Variants in NLRP10 observed in about 807,000 individuals in gnomAD.
The protein encoded by NLRP10 is NACHT, LRR and PYD domains-containing protein 10.
Under a neutral mutation model 8.2 loss-of-function variants are expected in NLRP10, and 7 were observed. That is an observed-to-expected ratio of 0.85 (90% confidence interval 0.48 to 1.60). The LOEUF (loss-of-function observed/expected upper bound fraction) is 1.60. Ranked by LOEUF, NLRP10 falls within the 40% of genes most tolerant of loss-of-function variation. NLRP10 has a pLI of 0.00. For missense variants in NLRP10, 814 were observed against 776.3 expected (o/e 1.05, Z -0.58); for synonymous variants, 338 against 314.0 (o/e 1.08, Z -0.81).
Position 7,960,914 on chromosome 11 carries a change from G to A in NLRP10, c.698C>T (p.Pro233Leu). 4 of 1,614,182 alleles carry A rather than the reference G, an allele frequency of 2.5e-6. No individual in the cohort carries two copies. Among genetic ancestry groups the A allele is most frequent in the Non-Finnish European group, 2.5e-6 (3 of 1,180,036 alleles). Reference sequence around the variant, plus strand: ...TGGCTGCCTCAGAATCTCTGTGACAGGGGCTTGATTGTCCCCGCAGCACCA... The same window carrying A: ...TGGCTGCCTCAGAATCTCTGTGACAAGGGCTTGATTGTCCCCGCAGCACCA... Reference protein sequence around the residue: ...LFWCCGDNQAPVTEILRQPER... With the variant: ...LFWCCGDNQALVTEILRQPER... The change falls in exon 3 of 3, where the codon CCT (proline) becomes CTT (leucine). Residue 233 changes from proline to leucine, a missense_variant. Transcript: ENST00000691676.
chr11:7,963,078 G>A, intron 2 of NLRP10, 129 bp downstream of exon 2: 1 of 869,448 alleles, frequency 1.2e-6, no homozygotes, highest in Non-Finnish European at 1.8e-6. Context: ...AGGACTCTGG[G>A]GCACCAGGGA....
chr11:7,963,591 T>C, intron 1 of NLRP10, 51 bp from the exon 2 acceptor site: 1 of 1,171,200 alleles, frequency 8.5e-7, no homozygotes, highest in South Asian at 1.5e-5. Context: ...CCCACCCTGC[T>C]TTCTGGGGGC....
Position 7,958,352 on chromosome 11 carries a change from G to T in NLRP10, c.*1292C>A, listed in dbSNP as rs757845424. On this transcript the variant is annotated 3_prime_UTR_variant, in exon 3 of 3. Transcript: ENST00000691676. The stretch of plus-strand genomic sequence containing the variant: ...TGCATTCTGACCAGCAATGAATAAG[G>T]CTCCCACTACTCCACATCCTAACAA... 2.6e-5 allele frequency among the ~76,000 whole-genome samples: 4 copies of T among 152,118 alleles called. No homozygotes were observed. The highest frequency in any genetic ancestry group is 4.4e-5 in the Non-Finnish European group (3 of 68,026).
intron 1 of NLRP10, among the ~76,000 whole-genome samples, chr11:7,964,894 G>A (rs972086137): frequency 2.6e-5 from 4 of 152,210 alleles, no homozygotes; most frequent in South Asian, 2.1e-4. Context: ...GGCCCATAGG[G>A]AACCCATCTC....
At chr11:7,961,480 G>A (rs1941729583) in intron 2 of NLRP10, among the ~76,000 whole-genome samples, 158 bp from the exon 3 acceptor site, 1 of 152,200 alleles carries the variant, frequency 6.6e-6, no homozygotes, top group Admixed American at 6.5e-5. Flanking sequence ...GCCACTGTAT[G>A]TGTGCATGAG....
Position 7,963,452 on chromosome 11 carries a change from C to A in NLRP10, c.44G>T (p.Trp15Leu). 1 of 1,613,970 alleles carries A rather than the reference C, an allele frequency of 6.2e-7. No individual in the cohort carries two copies. The highest frequency in any genetic ancestry group is 8.5e-7 in the Non-Finnish European group (1 of 1,179,984). ...GTTCTCCTCAAGGTCACTCAAGGCC[C>A]AGAGCAATGCCTCCCGGGGCTTTCT... Reference protein sequence around the residue: ...KARKPREALLWALSDLEENDF... With the variant: ...KARKPREALLLALSDLEENDF... Residue 15 changes from tryptophan to leucine, a missense_variant, in exon 2 of 3, where the codon TGG becomes TTG. Trp to Leu is a moderately conservative substitution (Grantham distance 61). Transcript: ENST00000691676.
Position 7,961,202 on chromosome 11 carries a change from G to T in NLRP10, c.410C>A (p.Ser137Ter). ...CTGCTCCGGGAAGGGGCAGGCAAGTGATTCTGGGCTCTCTGAGCTGGGCTT... is the reference window on the plus strand; with the variant it reads ...CTGCTCCGGGAAGGGGCAGGCAAGTTATTCTGGGCTCTCTGAGCTGGGCTT... ...VAKPSSESPE[S>*]LACPFPEQEL... Residue 137 changes from serine to a stop codon, truncating the protein, a stop_gained, in exon 3 of 3, where the codon TCA becomes TAA. Transcript: ENST00000691676. LOFTEE classifies it low-confidence loss of function (END_TRUNC). The T allele has an allele frequency of 6.2e-7, 1 of 1,613,878 alleles. No homozygotes were observed. The highest frequency in any genetic ancestry group is 1.7e-5 in the Admixed American group (1 of 60,002).
At chr11:7,962,231 C>CTTTTTTTTTTT (rs71452435) in intron 2 of NLRP10, among the ~76,000 whole-genome samples, 4,731 of 66,912 alleles carry the variant, frequency 0.071, 1,467 homozygotes, top group Middle Eastern at 0.19. Context: ...TAAGCCTGTT[C>CTTTTTTTTTTT]TTTTTTTTTT....
intron 1 of NLRP10, chr11:7,963,786 C>CTCTT (rs386373036): frequency 2.2e-6 from 1 of 465,040 alleles, no homozygotes; most frequent in African/African-American, 2.0e-5. Context: ...CTCTCAATCT[C>CTCTT]TCTCTCTCTC....
chr11:7,963,509 A>C lies in NLRP10; in HGVS notation c.-14T>G, dbSNP rs765425148. Reference sequence around the variant, plus strand: ...GGCCATGGCCATGGTGATCTGGGGGAAGGATCAAGTCCAGACCAGAAGACC... The same window carrying C: ...GGCCATGGCCATGGTGATCTGGGGGCAGGATCAAGTCCAGACCAGAAGACC... On this transcript the variant is annotated 5_prime_UTR_variant, in exon 2 of 3. Transcript: ENST00000691676. 3 of 1,603,712 alleles carry C rather than the reference A, an allele frequency of 1.9e-6. No homozygotes were observed. The South Asian group carries it at 3.3e-5, about 18-fold the overall frequency.
chr11:7,962,669 C>A (rs1355268479), intron 2 of NLRP10, among the ~76,000 whole-genome samples: 2 of 152,108 alleles, frequency 1.3e-5, no homozygotes, highest in Non-Finnish European at 2.9e-5. Context: ...TGAAAGGAGC[C>A]TATGGGAGGG....
rs138343526 is a variant in NLRP10 at position 7,963,328 on chromosome 11, G to A, written c.168C>T (p.Asp56=). 1.5e-4 allele frequency: 244 copies of A among 1,614,168 alleles called. No individual in the cohort carries two copies. The highest frequency in any genetic ancestry group is 6.4e-4 in the African/African-American group (48 of 75,038). The change falls in exon 2 of 3, where the codon GAC becomes GAT. Residue 56 remains aspartate, a synonymous_variant. Transcript: ENST00000691676. ...ACTTTGAAATCAGTAATTCTGCCAGGTCCACCGGAATCAGGCCCTCCAACT... is the reference window on the plus strand; with the variant it reads ...ACTTTGAAATCAGTAATTCTGCCAGATCCACCGGAATCAGGCCCTCCAACT... The part of the protein sequence containing the change: ...RGELEGLIPV[D]LAELLISKYG...
chr11:7,963,571 T>C, intron 1 of NLRP10, 31 bp from the exon 2 acceptor site: 6 of 1,372,632 alleles, frequency 4.4e-6, no homozygotes, highest in South Asian at 1.4e-5. Flanking sequence ...AGAGGTCCAC[T>C]GCTGAGAGGC....
chr11:7,960,654 TCTC>T lies in NLRP10; in HGVS notation c.955_957del (p.Glu319del), dbSNP rs775823381. The T allele has an allele frequency of 1.2e-6, 2 of 1,614,128 alleles. No individual in the cohort carries two copies. The highest frequency in any genetic ancestry group is 2.2e-5 in the South Asian group (2 of 91,072). On this transcript the variant is annotated inframe_deletion, in exon 3 of 3. Coordinates refer to ENST00000691676, the MANE Select transcript of NLRP10 (RefSeq NM_001391958.1). ...AAATAGGAGCTGAAGTACCTCGCCC[TCTC>T]CTCCTCAGAGAAGCCTAGGATATGG...
rs1941654476 is a variant in NLRP10 at position 7,958,302 on chromosome 11, G to A, written c.*1342C>T. Among the ~76,000 whole-genome samples the A allele has an allele frequency of 6.6e-6, 1 of 152,148 alleles. No homozygotes were observed. The stretch of plus-strand genomic sequence containing the variant: ...TAGCTTTGTAAGAAACTGCCAAACT[G>A]TCTTTCAAAGTGGCTGTACCATTTT... On this transcript the variant is annotated 3_prime_UTR_variant, in exon 3 of 3. Transcript: ENST00000691676.
intron 2 of NLRP10, among the ~76,000 whole-genome samples, chr11:7,962,527 C>T (rs1256040016): frequency 4.6e-5 from 7 of 151,974 alleles, no homozygotes; most frequent in African/African-American, 1.2e-4. Flanking sequence ...TGAGCCACTG[C>T]GCCCAGCCGA....
At chr11:7,962,231 C>CTTTTTTTTTTCTTTTTTTTT (rs1941744131) in intron 2 of NLRP10, among the ~76,000 whole-genome samples, 2 of 66,994 alleles carry the variant, frequency 3.0e-5, no homozygotes, top group African/African-American at 5.6e-5. Flanking sequence ...TAAGCCTGTT[C>CTTTTTTTTTTCTTTTTTTTT]TTTTTTTTTT....
Position 7,960,643 on chromosome 11 carries a change from G to C in NLRP10, c.969C>G (p.Tyr323Ter), listed in dbSNP as rs756325316. ...LGFSEEERAR[Y>*]FSSYFTDEKQ... ...TCTCATCCGTGAAATAGGAGCTGAA[G>C]TACCTCGCCCTCTCCTCCTCAGAGA... Residue 323 changes from tyrosine (Y) to a stop codon, truncating the protein, a stop_gained, in exon 3 of 3, where the codon TAC becomes TAG. Transcript: ENST00000691676. LOFTEE classifies it low-confidence loss of function (END_TRUNC). The C allele has an allele frequency of 1.3e-5, 21 of 1,614,082 alleles. No individual in the cohort carries two copies. The highest frequency in any genetic ancestry group is 2.7e-5 in the African/African-American group (2 of 74,930).
Position 7,959,329 on chromosome 11 carries a change from G to T in NLRP10, c.*315C>A, listed in dbSNP as rs1941672617. On this transcript the variant is annotated 3_prime_UTR_variant, in exon 3 of 3. Coordinates refer to ENST00000691676, the MANE Select transcript of NLRP10 (RefSeq NM_001391958.1). ...CTGTCTTGATTACTGTAGCTTTATAGTAGGAAGAAGTTGGATAGCAGCACT... is the reference window on the plus strand; with the variant it reads ...CTGTCTTGATTACTGTAGCTTTATATTAGGAAGAAGTTGGATAGCAGCACT... 4.0e-6 allele frequency: 1 copy of T among 250,684 alleles called. No homozygotes were observed. The highest frequency in any genetic ancestry group is 2.3e-5 in the African/African-American group (1 of 44,380). The allele number at this position is 250,684 out of a possible 1,614,324, so 15.5% of individuals were successfully genotyped here.
Sources: allele counts gnomAD v4.1 joint callset (sites outside exome capture counted in the v4.1 genomes callset), GRCh38; gene constraint gnomAD v4.1.1; transcripts MANE v1.5; gene names NCBI Gene and HGNC (gene_info 2026-07-23, HGNC 2026-07-21).